Variants in SMARCA4 observed in about 807,000 individuals in gnomAD.
The protein encoded by SMARCA4 is SWI/SNF related BAF chromatin remodeling complex subunit ATPase 4.
Under a neutral mutation model 193.9 loss-of-function variants are expected in SMARCA4, and 31 were observed. The observed-to-expected ratio is 0.16, with a 90% CI of 0.12 to 0.22. SMARCA4 has a LOEUF of 0.22. SMARCA4 is among the 10% of genes least tolerant of loss of function. The pLI, the probability that SMARCA4 is intolerant of heterozygous loss-of-function variation, is 1.00. For missense variants in SMARCA4, 1,148 were observed against 2,296.0 expected, an observed-to-expected ratio of 0.50 and a Z score of 10.22; for synonymous variants, 942 against 933.1, an observed-to-expected ratio of 1.01 and a Z score of -0.17.
At chr19:11,024,492 G>A (rs2146478376) in intron 21 of SMARCA4, 54 bp downstream of exon 21, 1 of 1,161,166 alleles carries the variant, frequency 8.6e-7, no homozygotes, top group Non-Finnish European at 1.3e-6. Context: ...AAGGCCGGCA[G>A]CGTGGCAGGC....
At chr19:10,963,545 G>A (rs779147629) in intron 1 of SMARCA4, among the ~76,000 whole-genome samples, 25 of 152,168 alleles carry the variant, frequency 1.6e-4, no homozygotes, top group Non-Finnish European at 3.2e-4. Context: ...GCGTGGGGTG[G>A]TGGTAAGGAG....
chr19:11,005,445 CCTT>C (rs1462646508), intron 13 of SMARCA4, among the ~76,000 whole-genome samples: 5 of 152,194 alleles, frequency 3.3e-5, no homozygotes, highest in African/African-American at 1.2e-4. Context: ...CAGACACGCG[CCTT>C]CTTTCTCCTG....
At chr19:11,032,357 TGGG>T (rs2146629784) in intron 25 of SMARCA4, 1 of 152,382 alleles carries the variant, frequency 6.6e-6, no homozygotes, top group East Asian at 1.9e-4. Flanking sequence ...CGTACTGTGC[TGGG>T]GTGATGATAA....
At chr19:11,023,735 C>T in intron 20 of SMARCA4, 104 bp downstream of exon 20, 1 of 746,888 alleles carries the variant, frequency 1.3e-6, no homozygotes, top group South Asian at 1.5e-5. Flanking sequence ...CAGGCCTGCC[C>T]TGGTCAATCC....
chr19:10,995,462 C>G (rs575242223), intron 9 of SMARCA4: 5 of 457,958 alleles, frequency 1.1e-5, no homozygotes, highest in East Asian at 6.9e-5. Context: ...GGGGCAGATA[C>G]GCGAATGAAG....
intron 11 of SMARCA4, among the ~76,000 whole-genome samples, chr19:10,999,544 G>A (rs559717844): frequency 3.9e-5 from 6 of 152,092 alleles, no homozygotes; most frequent in Admixed American, 3.9e-4. Context: ...TGTGGTCCCA[G>A]CTACTTGAGA....
intron 29 of SMARCA4, among the ~76,000 whole-genome samples, chr19:11,035,551 A>G (rs2075217019): frequency 6.6e-6 from 1 of 152,200 alleles, no homozygotes; most frequent in African/African-American, 2.4e-5. Context: ...AGGCAGCCTC[A>G]CTTTGGGCAA....
Position 11,059,781 on chromosome 19 carries a change from C to T in SMARCA4, c.4664C>T (p.Ser1555Leu), listed in dbSNP as rs1057523990. Residue 1555 changes from serine to leucine, a missense_variant, in exon 33 of 35, where the codon TCG (serine) becomes TTG (leucine). Physicochemically the swap from Ser to Leu is moderately radical, Grantham distance 145. This residue lies in a region of SMARCA4 where 105 missense variants were observed against 133.7 expected (regional missense o/e 0.79). Transcript: ENST00000344626. The stretch of plus-strand genomic sequence containing the variant: ...TATGAAGACTCCATCGTCTTGCAGT[C>T]GGTCTTCACCAGCGTGCGGCAGAAA... ...LIYEDSIVLQ[S>L]VFTSVRQKIE... is the part of the protein sequence containing the mutation. 6.9e-6 allele frequency: 11 copies of T among 1,596,736 alleles called. No individual in the cohort carries two copies. The highest frequency in any genetic ancestry group is 1.8e-5 in the Admixed American group (1 of 56,626).
chr19:10,986,670 G>T lies in SMARCA4; in HGVS notation c.760+77G>T. The T allele has an allele frequency of 6.5e-7, 1 of 1,530,748 alleles. No individual in the cohort carries two copies. The highest frequency in any genetic ancestry group is 8.7e-7 in the Non-Finnish European group (1 of 1,144,388). The allele number at this position is 1,530,748 out of a possible 1,614,324, so 94.8% of individuals were successfully genotyped here. The stretch of plus-strand genomic sequence containing the variant: ...GTGGGTGGCGGGGTGGACAGACCGT[G>T]CTCTGTTGCCGACTGGGTTCCCCGG... On this transcript the variant is annotated intron_variant, in intron 4 of 34. Transcript: ENST00000344626. The surrounding 1 kb of genome is among the most constrained non-coding windows in gnomAD (Gnocchi z 6.7).
In SMARCA4 at chr19:10,989,303, G is replaced by T. The variant is rs201968918; in HGVS notation, c.1119-14G>T. The T allele has an allele frequency of 8.7e-6, 14 of 1,613,804 alleles. No homozygotes were observed. The African/African-American group carries it at 1.6e-4, about 18-fold the overall frequency. On this transcript the variant is annotated splice_polypyrimidine_tract_variant and intron_variant, in intron 6 of 34. Transcript: ENST00000344626. Reference sequence around the variant, plus strand: ...AACCCTCTCACCGCCTTTGCTCCTTGTCTCTGCTCCCAGGCTGCAGGCTCG... The same window carrying T: ...AACCCTCTCACCGCCTTTGCTCCTTTTCTCTGCTCCCAGGCTGCAGGCTCG...
At chr19:11,010,574 G>C (rs199525815) in intron 15 of SMARCA4, 43 bp downstream of exon 15, 1 of 1,600,250 alleles carries the variant, frequency 6.2e-7, no homozygotes. Context: ...TAGCTGCCTC[G>C]GTGCAGGTGT....
At chr19:11,060,738 A>G (rs2076817032) in intron 34 of SMARCA4, among the ~76,000 whole-genome samples, 1 of 152,142 alleles carries the variant, frequency 6.6e-6, no homozygotes, top group Non-Finnish European at 1.5e-5. Context: ...CTCAAGCTTC[A>G]GTTTCCTCTT....
chr19:11,042,876 G>A (rs1336108955), intron 30 of SMARCA4, among the ~76,000 whole-genome samples: 2 of 152,194 alleles, frequency 1.3e-5, no homozygotes, highest in East Asian at 3.8e-4. Flanking sequence ...TTGGGAGGCT[G>A]AGACAGGAGA....
chr19:10,969,116 A>G (rs2084471452), intron 1 of SMARCA4, among the ~76,000 whole-genome samples: 1 of 152,204 alleles, frequency 6.6e-6, no homozygotes. Flanking sequence ...CTTTGAACTC[A>G]GAATTCCGTT....
At chr19:11,050,429 G>T (rs1055920623) in intron 30 of SMARCA4, among the ~76,000 whole-genome samples, 1 of 152,242 alleles carries the variant, frequency 6.6e-6, no homozygotes, top group African/African-American at 2.4e-5. Flanking sequence ...CAGCACAGGG[G>T]CCTGACTGAA....
intron 1 of SMARCA4, among the ~76,000 whole-genome samples, chr19:10,967,894 T>C (rs552193512): frequency 6.6e-6 from 1 of 151,546 alleles, no homozygotes; most frequent in South Asian, 2.1e-4. Flanking sequence ...TTTATTTTTT[T>C]GAGACGGAGT....
At chr19:11,052,792 A>G (rs1317033227) in intron 30 of SMARCA4, among the ~76,000 whole-genome samples, 1 of 152,100 alleles carries the variant, frequency 6.6e-6, no homozygotes, top group Non-Finnish European at 1.5e-5. Context: ...GACCGACTGC[A>G]CCTGCCTGCG....
intron 34 of SMARCA4, among the ~76,000 whole-genome samples, chr19:11,060,996 G>A (rs1280247088): frequency 6.6e-6 from 1 of 152,008 alleles, no homozygotes; most frequent in Non-Finnish European, 1.5e-5. Context: ...ATCCAGAGCA[G>A]GGTGTTTTAT....
At chr19:11,053,202 A>G (rs2076355804) in intron 30 of SMARCA4, among the ~76,000 whole-genome samples, 1 of 152,102 alleles carries the variant, frequency 6.6e-6, no homozygotes. Flanking sequence ...GGAGTTACAA[A>G]AAACGGAACC....
Sources: gnomAD v4.1 joint callset for allele counts (sites outside exome capture counted in the v4.1 genomes callset) on GRCh38, gnomAD v4.1.1 for gene constraint, gnomAD v4.1.1 regional missense constraint, Gnocchi (gnomAD v3.1) non-coding constraint, MANE v1.5 for transcripts, NCBI Gene and HGNC (gene_info 2026-07-23, HGNC 2026-07-21) for gene names.